The following FSIP1 variants were observed in gnomAD, a reference collection of about 807,000 sequenced individuals.
FSIP1 encodes the protein fibrous sheath-interacting protein 1.
Under a neutral mutation model 60.9 loss-of-function variants are expected in FSIP1, and 65 were observed. That is an observed-to-expected ratio of 1.07 (90% CI 0.87 to 1.31). FSIP1 has a LOEUF of 1.31. Ranked by LOEUF, FSIP1 falls within the 40% of genes most tolerant of loss-of-function variation. The pLI is 0.00. For missense variants in FSIP1, 675 were observed against 665.5 expected (o/e 1.01, Z -0.16); for synonymous variants, 209 against 221.2 (o/e 0.94, Z 0.49).
At chr15:39,741,782 T>A in intron 6 of FSIP1, 23 bp downstream of exon 6, 1 of 1,183,626 alleles carries the variant, frequency 8.4e-7, no homozygotes, top group African/African-American at 1.5e-5. Flanking sequence ...AAAATGTGTA[T>A]AATCACACAA....
At chr15:39,741,344 A>G (rs2140642772) in intron 6 of FSIP1, among the ~76,000 whole-genome samples, 1 of 152,320 alleles carries the variant, frequency 6.6e-6, no homozygotes, top group African/African-American at 2.4e-5. Context: ...CCATGTTCCT[A>G]CAGTGACCCC....
At chr15:39,705,678 G>A (rs1895234689) in intron 10 of FSIP1, among the ~76,000 whole-genome samples, 1 of 151,864 alleles carries the variant, frequency 6.6e-6, no homozygotes, top group African/African-American at 2.4e-5. Context: ...TTATTTTTAT[G>A]TTTCGTATCA....
At chr15:39,742,619 G>A (rs1470629591) in intron 5 of FSIP1, among the ~76,000 whole-genome samples, 2 of 152,204 alleles carry the variant, frequency 1.3e-5, no homozygotes, top group African/African-American at 4.8e-5. Context: ...AGAAAATATG[G>A]GAAGTCTTGA....
Position 39,776,534 on chromosome 15 carries a change from G to C in FSIP1, c.-7-3C>G. 6 of 1,513,640 alleles carry C rather than the reference G, an allele frequency of 4.0e-6. No individual in the cohort carries two copies. Among genetic ancestry groups the C allele is most frequent in the African/African-American group, 1.4e-5 (1 of 71,742 alleles). The allele number at this position is 1,513,640 out of a possible 1,614,324, so 93.8% of individuals were successfully genotyped here. ...CCTTTATAATATCCATTGAAATCCT[G>C]AAACAACAAATAAAATATTTAATAC... is the stretch of plus-strand genomic sequence containing the variant. On this transcript the variant is annotated splice_polypyrimidine_tract_variant and splice_region_variant and intron_variant, in intron 1 of 11. Transcript: ENST00000350221.
At position 39,629,326 on chromosome 15, in the gene FSIP1, A is replaced by G. The variant is rs116813953; in HGVS notation, c.1189-11081T>C. Among the ~76,000 whole-genome samples, 1,037 of 152,310 alleles carry G rather than the reference A, an allele frequency of 6.8e-3. 17 individuals are homozygous for G. Among genetic ancestry groups the G allele is most frequent in the African/African-American group, 0.024 (990 of 41,574 alleles). ...GGAAGGTTTACACTTCAAGGCTGAC[A>G]CTATTAAGTCTTCAGCATCAGAAAG... On this transcript the variant is annotated intron_variant, in intron 10 of 11. Coordinates refer to ENST00000350221, the MANE Select transcript of FSIP1 (RefSeq NM_152597.5).
At chr15:39,694,026 A>G (rs1894713394) in intron 10 of FSIP1, among the ~76,000 whole-genome samples, 1 of 152,212 alleles carries the variant, frequency 6.6e-6, no homozygotes, top group Admixed American at 6.5e-5. Flanking sequence ...TACATATCAA[A>G]AGACCACACT....
chr15:39,676,293 G>A (rs1286907745), intron 10 of FSIP1, among the ~76,000 whole-genome samples: 1 of 151,986 alleles, frequency 6.6e-6, no homozygotes, highest in East Asian at 1.9e-4. Flanking sequence ...CTGGAAAACA[G>A]CTCAGTCACA....
At chr15:39,662,404 T>A (rs1203720446) in intron 10 of FSIP1, among the ~76,000 whole-genome samples, 2 of 152,138 alleles carry the variant, frequency 1.3e-5, no homozygotes, top group Non-Finnish European at 2.9e-5. Flanking sequence ...TTAGAAGAGT[T>A]CTTTTATAGT....
At chr15:39,628,958 A>G (rs1891761677) in intron 10 of FSIP1, among the ~76,000 whole-genome samples, 2 of 152,220 alleles carry the variant, frequency 1.3e-5, no homozygotes, top group African/African-American at 4.8e-5. Context: ...CAGACGAGGC[A>G]GGAGCTCAAT....
rs1896815809 is a variant in FSIP1, at chr15:39,741,884, C to A, written c.576G>T (p.Glu192Asp). 6.3e-7 allele frequency: 1 copy of A among 1,594,978 alleles called. No individual in the cohort carries two copies. The highest frequency in any genetic ancestry group is 1.3e-5 in the African/African-American group (1 of 74,508). The change falls in exon 6 of 12, where the codon GAG becomes GAT. Residue 192 changes from glutamate to aspartate, a missense_variant. Glu to Asp is a conservative substitution (Grantham distance 45). Coordinates refer to ENST00000350221, the MANE Select transcript of FSIP1 (RefSeq NM_152597.5). ...GAAACACTGAGGAAAAGGTGTCTTCCTCCTCATGAGAAGGACCTGTTGATT... is the reference window on the plus strand; with the variant it reads ...GAAACACTGAGGAAAAGGTGTCTTCATCCTCATGAGAAGGACCTGTTGATT... ...SEETVGPSHE[E>D]EDTFSSVFHT...
intron 3 of FSIP1, among the ~76,000 whole-genome samples, chr15:39,769,075 C>G (rs1011359518): frequency 6.6e-6 from 1 of 151,990 alleles, no homozygotes; most frequent in African/African-American, 2.4e-5. Flanking sequence ...GTCAGGAGAT[C>G]GAGACCATCC....
Position 39,617,878 on chromosome 15 carries a change from T to C in FSIP1, c.1556A>G (p.Lys519Arg). Residue 519 changes from lysine (K) to arginine (R), a missense_variant, in exon 11 of 12, where the codon AAA becomes AGA. Transcript: ENST00000350221. ...FSKDVIISDT[K>R]DYFMSKTLGI... ...AAGAGTCTTCGACATAAAATAGTCT[T>C]TTGTGTCACTAATAATAACGTCCTT... 6.2e-7 allele frequency: 1 copy of C among 1,614,144 alleles called. No homozygotes were observed.
chr15:39,747,385 T>C (rs1446746335), intron 5 of FSIP1: 1 of 152,210 alleles, frequency 6.6e-6, no homozygotes, highest in Non-Finnish European at 1.5e-5. Flanking sequence ...TCTTCTAGCA[T>C]AGAGTAATTC....
intron 10 of FSIP1, among the ~76,000 whole-genome samples, chr15:39,648,869 T>A (rs1595571548): frequency 6.6e-6 from 1 of 152,194 alleles, no homozygotes; most frequent in African/African-American, 2.4e-5. Flanking sequence ...ACTATAATTA[T>A]CATGTGTTCT....
intron 10 of FSIP1, among the ~76,000 whole-genome samples, chr15:39,672,813 C>A (rs1178034127): frequency 6.6e-6 from 1 of 152,142 alleles, no homozygotes; most frequent in East Asian, 1.9e-4. Flanking sequence ...GTAATCTGTT[C>A]CAAGTGTCCT....
intron 8 of FSIP1, among the ~76,000 whole-genome samples, chr15:39,734,609 C>T (rs555186971): frequency 1.7e-4 from 26 of 152,082 alleles, no homozygotes; most frequent in South Asian, 8.3e-4. Context: ...AAAGAAAATA[C>T]GCATTTTAAT....
At chr15:39,769,018 G>A (rs1219641658) in intron 3 of FSIP1, among the ~76,000 whole-genome samples, 5 of 152,114 alleles carry the variant, frequency 3.3e-5, no homozygotes, top group Non-Finnish European at 4.4e-5. Context: ...GGTGGCTCAC[G>A]CCTGTAATCC....
intron 10 of FSIP1, among the ~76,000 whole-genome samples, chr15:39,636,399 C>T (rs1304319058): frequency 6.6e-6 from 1 of 152,210 alleles, no homozygotes; most frequent in Non-Finnish European, 1.5e-5. Flanking sequence ...TCACCTCCTA[C>T]CTTTGACTTT....
intron 10 of FSIP1, among the ~76,000 whole-genome samples, chr15:39,645,726 C>T (rs1379737833): frequency 6.6e-6 from 1 of 152,124 alleles, no homozygotes; most frequent in Non-Finnish European, 1.5e-5. Flanking sequence ...CTCGGGCACC[C>T]CAGGAAGGTT....
Sources: gnomAD v4.1 joint callset for allele counts (sites outside exome capture counted in the v4.1 genomes callset) on GRCh38, gnomAD v4.1.1 for gene constraint, MANE v1.5 for transcripts, NCBI Gene and HGNC (gene_info 2026-07-23, HGNC 2026-07-21) for gene names.